The following CPE variants were observed in gnomAD, a reference collection of about 807,000 sequenced individuals.
CPE encodes carbocypeptidase E.
CPE carries 17 observed loss-of-function variants against 53.5 expected under a neutral mutation model. The observed-to-expected ratio is 0.32, with a 90% confidence interval of 0.22 to 0.48. CPE has a LOEUF of 0.48. Among genes scored for constraint, CPE ranks in the 20% least tolerant of loss-of-function variants. The probability of loss-of-function intolerance (pLI) is 0.99; values close to 1 mark genes in which losing one functional copy is unlikely to be tolerated. For synonymous variants in CPE, 226 were observed against 228.8 expected (o/e 0.99, Z 0.11); for missense variants, 524 against 614.7 (o/e 0.85, Z 1.56).
chr4:165,417,855 T>C (rs1223538062), intron 1 of CPE, among the ~76,000 whole-genome samples: 2 of 152,088 alleles, frequency 1.3e-5, no homozygotes, highest in Non-Finnish European at 2.9e-5. Flanking sequence ...AAATAATTTG[T>C]AGTGAATGGG....
At chr4:165,392,190 TTA>T (rs1013915770) in intron 1 of CPE, among the ~76,000 whole-genome samples, 5 of 146,838 alleles carry the variant, frequency 3.4e-5, no homozygotes, top group Non-Finnish European at 7.5e-5. Context: ...TATAATATAC[TTA>T]TATATATATA....
Position 165,437,079 on chromosome 4 carries a change from C to T in CPE, c.308-27311C>T, listed in dbSNP as rs1731515658. Among the ~76,000 whole-genome samples the T allele has an allele frequency of 3.3e-5, 5 of 152,306 alleles. No individual in the cohort carries two copies. The Middle Eastern group carries it at 0.014, about 414-fold the overall frequency. ...GGAACTAGTCATGAGGACTGCTGTT[C>T]TCTATGTTGTCTCCTTTCTCAGACA... On this transcript the variant is annotated intron_variant, in intron 1 of 8. Coordinates refer to ENST00000402744, the MANE Select transcript of CPE (RefSeq NM_001873.4).
In CPE at chr4:165,487,446, G is replaced by A. The variant is rs1256971422; in HGVS notation, c.982G>A (p.Asp328Asn). Residue 328 changes from aspartate to asparagine, a missense_variant, in exon 6 of 9, where the codon GAC becomes AAC. Transcript: ENST00000402744. Reference sequence around the variant, plus strand: ...ATTTGGTGTTTTGGCAGGGATGCAAGACTTCAATTACCTTAGCAGCAACTG... The same window carrying A: ...ATTTGGTGTTTTGGCAGGGATGCAAAACTTCAATTACCTTAGCAGCAACTG... The part of the protein sequence containing the change: ...AWYSVPGGMQ[D>N]FNYLSSNCFE... The A allele has an allele frequency of 6.8e-6, 11 of 1,613,824 alleles. No individual in the cohort carries two copies. Among genetic ancestry groups the A allele is most frequent in the Non-Finnish European group, 9.3e-6 (11 of 1,179,986 alleles).
At chr4:165,460,530 C>T (rs1036795392) in intron 1 of CPE, among the ~76,000 whole-genome samples, 2 of 152,092 alleles carry the variant, frequency 1.3e-5, no homozygotes. Flanking sequence ...GAGCAATGAG[C>T]CATTGAGGCC....
chr4:165,474,149 T>C (rs552046882), intron 3 of CPE, among the ~76,000 whole-genome samples: 69 of 152,350 alleles, frequency 4.5e-4, no homozygotes, highest in African/African-American at 1.5e-3. Flanking sequence ...CAGCCAATAA[T>C]TGAGCATTCC....
At chr4:165,479,763 G>A (rs952882850) in intron 3 of CPE, among the ~76,000 whole-genome samples, 10 of 151,860 alleles carry the variant, frequency 6.6e-5, no homozygotes, top group East Asian at 1.9e-4. Flanking sequence ...AGGCCGAGGC[G>A]GGCGGATCAC....
At chr4:165,491,994 G>A (rs542199827) in intron 6 of CPE, among the ~76,000 whole-genome samples, 11 of 147,432 alleles carry the variant, frequency 7.5e-5, no homozygotes, top group South Asian at 5.0e-4. Context: ...AATGCATTAC[G>A]ATTTGATATT....
intron 3 of CPE, among the ~76,000 whole-genome samples, chr4:165,469,191 A>G (rs1194207085): frequency 6.6e-6 from 1 of 152,180 alleles, no homozygotes; most frequent in East Asian, 1.9e-4. Context: ...TTGAACCAAT[A>G]TTGTCATCAG....
chr4:165,395,481 G>A (rs750258797), intron 1 of CPE, among the ~76,000 whole-genome samples: 1 of 151,988 alleles, frequency 6.6e-6, no homozygotes, highest in African/African-American at 2.4e-5. Flanking sequence ...GATTTGATTC[G>A]GCAGTTTTAT....
At chr4:165,484,207 A>C (rs547470727) in intron 4 of CPE, among the ~76,000 whole-genome samples, 15 of 152,240 alleles carry the variant, frequency 9.9e-5, no homozygotes, top group South Asian at 6.2e-4. Context: ...TGTACATTCT[A>C]CCCAATTTCT....
At chr4:165,477,236 T>A (rs1732320248) in intron 3 of CPE, among the ~76,000 whole-genome samples, 2 of 152,236 alleles carry the variant, frequency 1.3e-5, no homozygotes. Context: ...TTTGTATTTC[T>A]AGCTTAGGCA....
chr4:165,386,873 A>G (rs979214554), intron 1 of CPE, among the ~76,000 whole-genome samples: 2 of 152,242 alleles, frequency 1.3e-5, no homozygotes, highest in African/African-American at 4.8e-5. Flanking sequence ...ATGTATCTCC[A>G]GGTTTTCATT....
At chr4:165,444,387 C>A (rs1731664798) in intron 1 of CPE, among the ~76,000 whole-genome samples, 1 of 151,996 alleles carries the variant, frequency 6.6e-6, no homozygotes, top group South Asian at 2.1e-4. Flanking sequence ...ATTGACCAGG[C>A]GCAGTGGCTC....
In CPE at chr4:165,464,489, A is replaced by G; in HGVS notation, c.407A>G (p.Gln136Arg). 2 of 1,614,040 alleles carry G rather than the reference A, an allele frequency of 1.2e-6. No individual in the cohort carries two copies. Among genetic ancestry groups the G allele is most frequent in the Non-Finnish European group, 1.7e-6 (2 of 1,179,946 alleles). Residue 136 changes from glutamine (Q) to arginine (R), a missense_variant, in exon 2 of 9, where the codon CAG (glutamine) becomes CGG (arginine). By Grantham distance (43) the Gln-to-Arg change is conservative. Coordinates refer to ENST00000402744, the MANE Select transcript of CPE (RefSeq NM_001873.4). ...FLAQYLCNEYQKGNETIVNLI... is the reference protein window; with the variant it reads ...FLAQYLCNEYRKGNETIVNLI... ...GCCCAGTACCTATGCAACGAATACC[A>G]GAAGGGGAACGAGACAATTGTCAAC...
At chr4:165,423,282 G>A (rs1169212282) in intron 1 of CPE, among the ~76,000 whole-genome samples, 2 of 152,152 alleles carry the variant, frequency 1.3e-5, no homozygotes, top group East Asian at 3.9e-4. Context: ...GCCCTAAGCA[G>A]TTTCCAGGTT....
intron 1 of CPE, among the ~76,000 whole-genome samples, chr4:165,454,376 T>G (rs1167627867): frequency 1.3e-5 from 2 of 152,220 alleles, no homozygotes; most frequent in Non-Finnish European, 2.9e-5. Flanking sequence ...AATAACATCC[T>G]GAAGATGTTT....
At position 165,464,462 on chromosome 4, in the gene CPE, T is replaced by C; in HGVS notation, c.380T>C (p.Leu127Ser). 2.5e-6 allele frequency: 4 copies of C among 1,613,834 alleles called. No homozygotes were observed. The highest frequency in any genetic ancestry group is 3.4e-6 in the Non-Finnish European group (4 of 1,179,852). The change falls in exon 2 of 9, where the codon TTG (leucine) becomes TCG (serine). Residue 127 changes from leucine (L) to serine (S), a missense_variant. Coordinates refer to ENST00000402744, the MANE Select transcript of CPE (RefSeq NM_001873.4). Reference sequence around the variant, plus strand: ...GTTGGACGAGAACTGCTCATTTTCTTGGCCCAGTACCTATGCAACGAATAC... The same window carrying C: ...GTTGGACGAGAACTGCTCATTTTCTCGGCCCAGTACCTATGCAACGAATAC... ...EAVGRELLIF[L>S]AQYLCNEYQK... is the part of the protein sequence containing the mutation.
At chr4:165,465,640 A>G (rs1732083389) in intron 2 of CPE, among the ~76,000 whole-genome samples, 1 of 152,104 alleles carries the variant, frequency 6.6e-6, no homozygotes, top group African/African-American at 2.4e-5. Context: ...AAATATACCG[A>G]AAATTTATTA....
intron 1 of CPE, chr4:165,404,855 G>T: frequency 1.3e-6 from 1 of 764,658 alleles, no homozygotes; most frequent in South Asian, 1.3e-5. Context: ...GTCTGCGGGA[G>T]AGAAGTAGTG....
Sources: allele counts gnomAD v4.1 joint callset (sites outside exome capture counted in the v4.1 genomes callset), GRCh38; gene constraint gnomAD v4.1.1; transcripts MANE v1.5; gene names NCBI Gene and HGNC (gene_info 2026-07-23, HGNC 2026-07-21).